DENND5B: variants seen among roughly 807,000 people sequenced by gnomAD.
DENND5B encodes the protein DENN domain-containing protein 5B.
Under a neutral mutation model 140.6 loss-of-function variants are expected in DENND5B, and 34 were observed. The observed-to-expected ratio is 0.24, with a 90% confidence interval of 0.18 to 0.32. The LOEUF is 0.32. Among genes scored for constraint, DENND5B ranks in the 10% least tolerant of loss-of-function variants. The pLI is 1.00. For synonymous variants in DENND5B, 551 were observed against 562.1 expected (o/e 0.98, Z 0.28); for missense variants, 1,142 against 1,560.2 (o/e 0.73, Z 4.52).
intron 15 of DENND5B, among the ~76,000 whole-genome samples, chr12:31,401,687 G>A (rs948951758): frequency 1.3e-5 from 2 of 152,166 alleles, no homozygotes; most frequent in Admixed American, 1.3e-4. Flanking sequence ...CTGGAGTGCA[G>A]TGGCACAATC....
chr12:31,506,590 G>T (rs1454484027), intron 1 of DENND5B, among the ~76,000 whole-genome samples: 2 of 152,140 alleles, frequency 1.3e-5, no homozygotes, highest in Non-Finnish European at 2.9e-5. Context: ...TCAGACACCA[G>T]CCACACTTTG....
intron 1 of DENND5B, among the ~76,000 whole-genome samples, chr12:31,505,366 G>C (rs952639856): frequency 8.6e-4 from 130 of 151,378 alleles, no homozygotes; most frequent in African/African-American, 3.1e-3. Context: ...AGCCTCCCAA[G>C]TAGCTGGGAC....
chr12:31,451,263 T>C (rs1210407763), intron 5 of DENND5B, among the ~76,000 whole-genome samples: 1 of 152,188 alleles, frequency 6.6e-6, no homozygotes, highest in Non-Finnish European at 1.5e-5. Context: ...GTTATAAGGT[T>C]AAACAGTATT....
intron 7 of DENND5B, among the ~76,000 whole-genome samples, chr12:31,440,026 A>T (rs1183604603): frequency 2.0e-5 from 3 of 152,010 alleles, no homozygotes; most frequent in African/African-American, 4.8e-5. Flanking sequence ...GATACTTCAC[A>T]AATAAAAGAA....
At position 31,426,502 on chromosome 12, in the gene DENND5B, CAG is replaced by C. The variant is rs1192439566; in HGVS notation, c.2107-80_2107-79del. 2.0e-6 allele frequency: 3 copies of C among 1,479,374 alleles called. No individual in the cohort carries two copies. The African/African-American group carries it at 4.2e-5, about 21-fold the overall frequency. The allele number at this position is 1,479,374 out of a possible 1,614,324, so 91.6% of individuals were successfully genotyped here. A position where few individuals can be genotyped will look rare whatever the true frequency, so the allele number is the denominator to read the frequency against. On this transcript the variant is annotated intron_variant, in intron 8 of 20. Transcript: ENST00000389082. The stretch of plus-strand genomic sequence containing the variant: ...CTTCTTAACCTTATACAAACAAGTG[CAG>C]AGACAAATGAAATGCAAAAAAGTCC...
intron 1 of DENND5B, among the ~76,000 whole-genome samples, chr12:31,510,798 T>C (rs1947380743): frequency 6.6e-6 from 1 of 152,238 alleles, no homozygotes. Context: ...TAATTAAATC[T>C]GTAAAATTCC....
At chr12:31,448,093 A>C (rs1323540651) in intron 5 of DENND5B, among the ~76,000 whole-genome samples, 1 of 152,020 alleles carries the variant, frequency 6.6e-6, no homozygotes, top group African/African-American at 2.4e-5. Flanking sequence ...CTTCACTTGC[A>C]GTTAAAAATT....
rs1267854164 is a variant in DENND5B at position 31,383,320 on chromosome 12, TTAGGGATGTCA to T, written c.*4272_*4282del. The T allele has an allele frequency of 5.9e-5, 9 of 152,192 alleles. No homozygotes were observed. The highest frequency in any genetic ancestry group is 1.0e-4 in the Non-Finnish European group (7 of 68,030). 9.4% of individuals were successfully genotyped at this position (152,192 alleles called of 1,614,324 possible). On this transcript the variant is annotated 3_prime_UTR_variant, in exon 21 of 21. Transcript: ENST00000389082. ...CTGTCACCTCATGTTTCAAAATACCTTAGGGATGTCAACATATACTACACATAAGCTGTTGT... is the reference window on the plus strand; with the variant it reads ...CTGTCACCTCATGTTTCAAAATACCTACATATACTACACATAAGCTGTTGT...
chr12:31,480,323 T>C (rs1383557693), intron 2 of DENND5B, 68 bp from the exon 3 acceptor site: 25 of 1,321,000 alleles, frequency 1.9e-5, no homozygotes, highest in Non-Finnish European at 2.4e-5. Context: ...AAATAAATGT[T>C]GTTTTTTTAA....
At chr12:31,560,994 A>G (rs1949455882) in intron 1 of DENND5B, among the ~76,000 whole-genome samples, 1 of 152,206 alleles carries the variant, frequency 6.6e-6, no homozygotes, top group Non-Finnish European at 1.5e-5. Flanking sequence ...ACCGTGGAAG[A>G]AAGTACTAAG....
chr12:31,384,380 C>G lies in DENND5B; in HGVS notation c.*3223G>C, dbSNP rs991770811. 6.6e-6 allele frequency: 1 copy of G among 152,156 alleles called. No individual in the cohort carries two copies. The highest frequency in any genetic ancestry group is 2.4e-5 in the African/African-American group (1 of 41,430). The allele number at this position is 152,156 out of a possible 1,614,324, so 9.4% of individuals were successfully genotyped here. A position where few individuals can be genotyped will look rare whatever the true frequency, so the allele number is the denominator to read the frequency against. On this transcript the variant is annotated 3_prime_UTR_variant, in exon 21 of 21. Coordinates refer to ENST00000389082, the MANE Select transcript of DENND5B (RefSeq NM_144973.4). ...TGACCCCAAACTCAGCTTAAGCATC[C>G]TTTTCATTGATCAAACTTGGATCCT...
chr12:31,478,420 C>G (rs2138523299), intron 3 of DENND5B, among the ~76,000 whole-genome samples: 2 of 152,250 alleles, frequency 1.3e-5, no homozygotes, highest in East Asian at 3.9e-4. Context: ...AAATGCTAAC[C>G]CCAGTTGGGT....
chr12:31,530,881 A>AT, intron 1 of DENND5B, among the ~76,000 whole-genome samples: 1 of 152,312 alleles, frequency 6.6e-6, no homozygotes, highest in South Asian at 2.1e-4. Flanking sequence ...AAATCTTTCT[A>AT]TTTCTAGTAA....
At chr12:31,397,318 G>A (rs946829334) in intron 17 of DENND5B, among the ~76,000 whole-genome samples, 3 of 151,944 alleles carry the variant, frequency 2.0e-5, no homozygotes, top group African/African-American at 7.2e-5. Context: ...AGAAGCTAAG[G>A]CGGGTGGATC....
intron 1 of DENND5B, among the ~76,000 whole-genome samples, chr12:31,525,751 G>C (rs981843792): frequency 2.0e-5 from 3 of 152,202 alleles, no homozygotes; most frequent in Non-Finnish European, 4.4e-5. Flanking sequence ...AGCACTTTGG[G>C]AGGCTGAGAT....
At chr12:31,432,175 A>C in intron 8 of DENND5B, 2 of 965,958 alleles carry the variant, frequency 2.1e-6, no homozygotes, top group Non-Finnish European at 2.5e-6. Context: ...GAGAAATGCC[A>C]ATGACAGGAA....
intron 1 of DENND5B, among the ~76,000 whole-genome samples, chr12:31,523,148 T>TC (rs1196140008): frequency 6.7e-6 from 1 of 149,188 alleles, no homozygotes; most frequent in African/African-American, 2.5e-5. Flanking sequence ...AGCCTCCGCC[T>TC]CCCAGGTTCA....
chr12:31,565,058 C>T (rs539573420), intron 1 of DENND5B, among the ~76,000 whole-genome samples: 53 of 152,246 alleles, frequency 3.5e-4, no homozygotes, highest in Non-Finnish European at 1.0e-4. Context: ...CAAGATGACC[C>T]TCAATGATTC....
At chr12:31,548,412 A>AG (rs1948934210) in intron 1 of DENND5B, among the ~76,000 whole-genome samples, 1 of 151,996 alleles carries the variant, frequency 6.6e-6, no homozygotes, top group Middle Eastern at 3.2e-3. Flanking sequence ...GAAGAAGAAA[A>AG]AAAAAAGAAT....
Sources: gnomAD v4.1 joint callset for allele counts (sites outside exome capture counted in the v4.1 genomes callset) on GRCh38, gnomAD v4.1.1 for gene constraint, MANE v1.5 for transcripts, NCBI Gene and HGNC (gene_info 2026-07-23, HGNC 2026-07-21) for gene names.